The following CDH12 variants were observed in gnomAD, a reference collection of about 807,000 sequenced individuals.
CDH12 encodes cadherin 12.
A neutral mutation model predicts 74.1 loss-of-function variants in CDH12; 41 were observed. That is an observed-to-expected ratio of 0.55 (90% CI 0.43 to 0.72). The LOEUF is 0.72. CDH12 is among the 30% of genes least tolerant of loss of function. The pLI is 0.00. For missense variants in CDH12, 945 were observed against 977.2 expected, an observed-to-expected ratio of 0.97 and a Z score of 0.44; for synonymous variants, 399 against 355.0, an observed-to-expected ratio of 1.12 and a Z score of -1.39.
At chr5:22,339,064 T>A (rs903984140) in intron 3 of CDH12, among the ~76,000 whole-genome samples, 1 of 152,314 alleles carries the variant, frequency 6.6e-6, no homozygotes, top group African/African-American at 2.4e-5. Flanking sequence ...TGCAACCTTA[T>A]GACTCCTGAG....
intron 3 of CDH12, among the ~76,000 whole-genome samples, chr5:22,305,195 T>C (rs766022480): frequency 6.6e-6 from 1 of 152,208 alleles, no homozygotes; most frequent in Non-Finnish European, 1.5e-5. Context: ...TGAGTCATAG[T>C]CCTGATTATC....
intron 5 of CDH12, among the ~76,000 whole-genome samples, chr5:22,059,662 T>C (rs1741047426): frequency 6.6e-6 from 1 of 152,206 alleles, no homozygotes; most frequent in South Asian, 2.1e-4. Context: ...TTATCTCATA[T>C]TATTTATGAT....
intron 1 of CDH12, among the ~76,000 whole-genome samples, chr5:22,653,807 A>G (rs928710091): frequency 3.3e-5 from 5 of 152,188 alleles, no homozygotes; most frequent in African/African-American, 1.2e-4. Context: ...ATCATGTCGC[A>G]TTCTACTTAT....
At chr5:22,566,322 C>G (rs1739279243) in intron 1 of CDH12, among the ~76,000 whole-genome samples, 1 of 151,350 alleles carries the variant, frequency 6.6e-6, no homozygotes, top group Non-Finnish European at 1.5e-5. Flanking sequence ...ACTGCAACCT[C>G]CACCTCCCAG....
chr5:21,960,866 A>G (rs1465303988), intron 6 of CDH12, among the ~76,000 whole-genome samples: 7 of 152,120 alleles, frequency 4.6e-5, no homozygotes, highest in Non-Finnish European at 7.4e-5. Flanking sequence ...TACATATTTA[A>G]TCAATATCTC....
At chr5:21,842,068 C>G in intron 8 of CDH12, 93 bp downstream of exon 8, 1 of 956,496 alleles carries the variant, frequency 1.0e-6, no homozygotes, top group Non-Finnish European at 1.6e-6. Flanking sequence ...GACTAAGTGT[C>G]TGGAAAATGA....
chr5:22,167,263 T>C (rs1488764565), intron 4 of CDH12, among the ~76,000 whole-genome samples: 1 of 152,228 alleles, frequency 6.6e-6, no homozygotes, highest in South Asian at 2.1e-4. Flanking sequence ...GTCATGTGAA[T>C]GATTTTAAGC....
chr5:22,602,548 T>C (rs1182165831), intron 1 of CDH12, among the ~76,000 whole-genome samples: 1 of 152,062 alleles, frequency 6.6e-6, no homozygotes, highest in Non-Finnish European at 1.5e-5. Flanking sequence ...TCGTATAGAA[T>C]GAAACCATAA....
At chr5:22,196,940 A>T (rs565157147) in intron 4 of CDH12, among the ~76,000 whole-genome samples, 2 of 152,288 alleles carry the variant, frequency 1.3e-5, no homozygotes, top group East Asian at 3.9e-4. Flanking sequence ...GTAGATCATG[A>T]AAAATAATTG....
intron 6 of CDH12, among the ~76,000 whole-genome samples, chr5:21,867,582 T>C (rs1751397308): frequency 6.6e-6 from 1 of 152,294 alleles, no homozygotes; most frequent in South Asian, 2.1e-4. Context: ...CTGCTGGATT[T>C]TGAACTTGCT....
intron 13 of CDH12, among the ~76,000 whole-genome samples, chr5:21,760,343 C>T (rs1339277835): frequency 6.6e-6 from 1 of 152,086 alleles, no homozygotes; most frequent in Non-Finnish European, 1.5e-5. Context: ...CATTGAGAGA[C>T]TGTCCACATT....
At chr5:22,469,800 A>G (rs1745882890) in intron 2 of CDH12, among the ~76,000 whole-genome samples, 1 of 152,114 alleles carries the variant, frequency 6.6e-6, no homozygotes, top group Non-Finnish European at 1.5e-5. Context: ...TGATGATGGG[A>G]CCAAAGTCAA....
chr5:22,431,969 C>T (rs1380735086), intron 2 of CDH12, among the ~76,000 whole-genome samples: 1 of 152,066 alleles, frequency 6.6e-6, no homozygotes, highest in East Asian at 1.9e-4. Flanking sequence ...CTTTGGTGTT[C>T]ATCAAGTTTA....
chr5:22,507,805 C>A (rs1179138834), intron 1 of CDH12, among the ~76,000 whole-genome samples: 1 of 152,106 alleles, frequency 6.6e-6, no homozygotes, highest in Non-Finnish European at 1.5e-5. Context: ...ATTCTGAAAT[C>A]AATAAAAGAT....
At chr5:22,555,568 T>C (rs999872701) in intron 1 of CDH12, among the ~76,000 whole-genome samples, 3 of 151,940 alleles carry the variant, frequency 2.0e-5, no homozygotes, top group African/African-American at 7.2e-5. Flanking sequence ...TTTTTTAGAA[T>C]CATGGATTTT....
intron 1 of CDH12, among the ~76,000 whole-genome samples, chr5:22,566,485 CG>C (rs1156502254): frequency 6.6e-6 from 1 of 152,010 alleles, no homozygotes; most frequent in Non-Finnish European, 1.5e-5. Flanking sequence ...GGTGATCCAC[CG>C]CCTCAGCTCC....
rs1244160692 is a variant in CDH12, at chr5:21,878,805, A to AAAG, written c.527-24018_527-24016dup. Among the ~76,000 whole-genome samples the AAAG allele has an allele frequency of 1.7e-4, 4 of 23,464 alleles. No individual in the cohort carries two copies. The Non-Finnish European group carries it at 2.4e-3, about 14-fold the overall frequency. The allele number at this position is 23,464 out of a possible 152,430, so 15.4% of individuals were successfully genotyped here. A position where few individuals can be genotyped will look rare whatever the true frequency, so the allele number is the denominator to read the frequency against. On this transcript the variant is annotated intron_variant, in intron 6 of 14. Transcript: ENST00000382254. ...AGAAAAAAAGAAAGAAAGAAAGAAG[A>AAAG]AAGAAAGAAAGAAAGAGAAAAGAAA... is the stretch of plus-strand genomic sequence containing the variant.
At position 22,078,464 on chromosome 5, in the gene CDH12, C is replaced by G. The variant is rs147803091; in HGVS notation, c.213G>C (p.Glu71Asp). 6.2e-7 allele frequency: 1 copy of G among 1,613,734 alleles called. No homozygotes were observed. The highest frequency in any genetic ancestry group is 1.3e-5 in the African/African-American group (1 of 74,986). ...FFVLEEYVGS[E>D]PQYVGKLHSD... ...CCATTACCTTTCCCACATACTGAGG[C>G]TCGGAGCCCACGTATTCTTCCAGCA... The change falls in exon 5 of 15, where the codon GAG (glutamate) becomes GAC (aspartate). Residue 71 changes from glutamate (E) to aspartate (D), a missense_variant. Coordinates refer to ENST00000382254, the MANE Select transcript of CDH12 (RefSeq NM_004061.5).
At chr5:22,334,360 A>G (rs1452367767) in intron 3 of CDH12, among the ~76,000 whole-genome samples, 2 of 152,054 alleles carry the variant, frequency 1.3e-5, no homozygotes, top group Non-Finnish European at 2.9e-5. Context: ...ATTGAAGAGA[A>G]TAGAAAAAAA....
Sources: allele counts gnomAD v4.1 joint callset (sites outside exome capture counted in the v4.1 genomes callset), GRCh38; gene constraint gnomAD v4.1.1; transcripts MANE v1.5; gene names NCBI Gene and HGNC (gene_info 2026-07-23, HGNC 2026-07-21).